Variants in MPP7 observed in about 807,000 individuals in gnomAD.
MPP7 encodes MAGUK p55 subfamily member 7.
In MPP7, 60 loss-of-function variants were observed where a neutral mutation model predicts 76.5. The observed-to-expected ratio is 0.78, with a 90% confidence interval of 0.64 to 0.97. The LOEUF (loss-of-function observed/expected upper bound fraction) is 0.97. Ranked by LOEUF, MPP7 falls within the 50% of genes least tolerant of loss-of-function variation. The probability of loss-of-function intolerance (pLI) is 0.00; values close to 1 mark genes in which losing one functional copy is unlikely to be tolerated. For missense variants in MPP7, 641 were observed against 694.0 expected, an observed-to-expected ratio of 0.92 and a Z score of 0.86; for synonymous variants, 237 against 244.5, an observed-to-expected ratio of 0.97 and a Z score of 0.29.
chr10:28,131,555 C>T lies in MPP7; in HGVS notation c.447+5G>A. The T allele has an allele frequency of 1.3e-6, 2 of 1,581,936 alleles. No individual in the cohort carries two copies. On this transcript the variant is annotated splice_donor_5th_base_variant and intron_variant, in intron 6 of 16. Transcript: ENST00000683449. The stretch of plus-strand genomic sequence containing the variant: ...ATCTACTCATATCTGAGCACCAAAA[C>T]TCACCAGTGGTTCTCTATTTTTGAC...
intron 2 of MPP7, among the ~76,000 whole-genome samples, chr10:28,322,265 A>G (rs1834375368): frequency 6.6e-6 from 1 of 152,202 alleles, no homozygotes; most frequent in Non-Finnish European, 1.5e-5. Context: ...ATTATTATCC[A>G]TATAAAAGCT....
chr10:28,159,010 C>A (rs1030441357), intron 3 of MPP7, among the ~76,000 whole-genome samples: 6 of 152,126 alleles, frequency 3.9e-5, no homozygotes, highest in African/African-American at 1.4e-4. Flanking sequence ...AGCCAACTCC[C>A]CTACCCCTGG....
At chr10:28,225,455 A>G (rs1223921686) in intron 2 of MPP7, among the ~76,000 whole-genome samples, 1 of 152,248 alleles carries the variant, frequency 6.6e-6, no homozygotes, top group Non-Finnish European at 1.5e-5. Context: ...AAACATATAG[A>G]GAACAGGGAA....
intron 3 of MPP7, among the ~76,000 whole-genome samples, chr10:28,182,395 A>G (rs1837087668): frequency 6.6e-6 from 1 of 152,224 alleles, no homozygotes; most frequent in Non-Finnish European, 1.5e-5. Context: ...ATGTGAAGTA[A>G]TTGGAACTCC....
intron 1 of MPP7, among the ~76,000 whole-genome samples, chr10:28,261,920 TG>T (rs1839962454): frequency 6.7e-6 from 1 of 148,150 alleles, no homozygotes; most frequent in African/African-American, 2.5e-5. Context: ...GAGGCCGAGG[TG>T]GGTGGATTGC....
At chr10:28,067,274 A>T (rs1852030445) in intron 13 of MPP7, among the ~76,000 whole-genome samples, 1 of 152,250 alleles carries the variant, frequency 6.6e-6, no homozygotes, top group South Asian at 2.1e-4. Context: ...GTATAAGCAA[A>T]GCAATCATTT....
At position 28,166,724 on chromosome 10, in the gene MPP7, A is replaced by T. The variant is rs11818966; in HGVS notation, c.157-16665T>A. Among the ~76,000 whole-genome samples the T allele has an allele frequency of 7.2e-3, 1,089 of 152,154 alleles. 11 individuals are homozygous for T. Among genetic ancestry groups the T allele is most frequent in the African/African-American group, 0.024 (992 of 41,484 alleles). On this transcript the variant is annotated intron_variant, in intron 3 of 16. Coordinates refer to ENST00000683449, the MANE Select transcript of MPP7 (RefSeq NM_001318170.2). ...ACCCAGCCTTATCTTTTAATTTTTAAAAAAAATCTGGTCTTACAACTCTTG... is the reference window on the plus strand; with the variant it reads ...ACCCAGCCTTATCTTTTAATTTTTATAAAAAATCTGGTCTTACAACTCTTG...
chr10:28,219,894 A>T (rs1003724315), intron 2 of MPP7, among the ~76,000 whole-genome samples: 4 of 152,046 alleles, frequency 2.6e-5, no homozygotes, highest in Non-Finnish European at 5.9e-5. Flanking sequence ...ACAGGCTGCA[A>T]TTTTTCCCAT....
At chr10:28,177,489 TA>T (rs1489759475) in intron 3 of MPP7, among the ~76,000 whole-genome samples, 3 of 152,110 alleles carry the variant, frequency 2.0e-5, no homozygotes, top group Non-Finnish European at 4.4e-5. Flanking sequence ...ATTCGTAGAT[TA>T]ATTGTTCCTA....
intron 1 of MPP7, among the ~76,000 whole-genome samples, chr10:28,292,042 C>G (rs1314400597): frequency 6.6e-6 from 1 of 152,122 alleles, no homozygotes; most frequent in Non-Finnish European, 1.5e-5. Context: ...CATGTTTAAT[C>G]TTTTTTACCA....
chr10:28,095,558 A>G (rs1853530411), intron 11 of MPP7, among the ~76,000 whole-genome samples: 1 of 152,132 alleles, frequency 6.6e-6, no homozygotes, highest in South Asian at 2.1e-4. Context: ...AGCTTAAGGG[A>G]GAGTAATTCT....
chr10:28,235,508 A>G lies in MPP7; in HGVS notation c.37+3060T>C, dbSNP rs550928387. 3.3e-5 allele frequency among the ~76,000 whole-genome samples: 5 copies of G among 152,318 alleles called. No homozygotes were observed. The East Asian group carries it at 9.6e-4, about 29-fold the overall frequency. ...AATGCTGGATTATGATAGAGGGGAT[A>G]TTAAAAATATACATGGAAAGGACAG... On this transcript the variant is annotated intron_variant, in intron 2 of 16. Transcript: ENST00000683449.
chr10:28,135,525 G>A (rs774249684), intron 5 of MPP7, among the ~76,000 whole-genome samples: 2 of 152,148 alleles, frequency 1.3e-5, no homozygotes, highest in African/African-American at 2.4e-5. Flanking sequence ...CATATACAGG[G>A]CAGTCCCCTA....
intron 12 of MPP7, among the ~76,000 whole-genome samples, chr10:28,077,405 CT>C (rs1267484790): frequency 6.6e-6 from 1 of 152,160 alleles, no homozygotes; most frequent in Non-Finnish European, 1.5e-5. Context: ...ATCATTCTTA[CT>C]GCCAAATTGT....
At chr10:28,313,104 G>A (rs572201575) in intron 2 of MPP7, among the ~76,000 whole-genome samples, 58 of 152,238 alleles carry the variant, frequency 3.8e-4, no homozygotes, top group African/African-American at 1.2e-3. Flanking sequence ...GCTTTCTCCT[G>A]TCTAGCACCT....
chr10:28,058,606 G>C lies in MPP7; in HGVS notation c.1299-3C>G. ...TATATTCTCCATATTCAATAAACCT[G>C]TAAAAAATTAAATGCATTGGAATCA... On this transcript the variant is annotated splice_polypyrimidine_tract_variant and splice_region_variant and intron_variant, in intron 14 of 16. Transcript: ENST00000683449. 1 of 1,500,128 alleles carries C rather than the reference G, an allele frequency of 6.7e-7. No individual in the cohort carries two copies. 92.9% of individuals were successfully genotyped at this position (1,500,128 alleles called of 1,614,324 possible).
intron 2 of MPP7, among the ~76,000 whole-genome samples, chr10:28,231,885 CTT>C (rs1322615131): frequency 6.6e-6 from 1 of 152,128 alleles, no homozygotes; most frequent in East Asian, 1.9e-4. Flanking sequence ...ACCAGCATGA[CTT>C]TTTGAAATTC....
At chr10:28,061,074 G>A (rs966500300) in intron 13 of MPP7, among the ~76,000 whole-genome samples, 1 of 151,992 alleles carries the variant, frequency 6.6e-6, no homozygotes, top group African/African-American at 2.4e-5. Context: ...CCCGAATATG[G>A]TAACAAGACC....
chr10:28,196,668 C>A (rs1196294489), intron 3 of MPP7, among the ~76,000 whole-genome samples: 2 of 152,128 alleles, frequency 1.3e-5, no homozygotes, highest in East Asian at 3.9e-4. Context: ...CTCTTCCAAC[C>A]CGCAATGGCC....
Sources: gnomAD v4.1 joint callset for allele counts (sites outside exome capture counted in the v4.1 genomes callset) on GRCh38, gnomAD v4.1.1 for gene constraint, MANE v1.5 for transcripts, NCBI Gene and HGNC (gene_info 2026-07-23, HGNC 2026-07-21) for gene names.